MMS22L: variants seen among roughly 807,000 people sequenced by gnomAD.
MMS22L encodes MMS22 like, DNA repair protein.
Under a neutral mutation model 159.1 loss-of-function variants are expected in MMS22L, and 74 were observed. The observed-to-expected ratio is 0.47, with a 90% confidence interval of 0.39 to 0.56. The LOEUF (loss-of-function observed/expected upper bound fraction) is 0.56. MMS22L is among the 20% of genes least tolerant of loss of function. MMS22L has a pLI of 0.00. For synonymous variants in MMS22L, 517 were observed against 506.9 expected, an observed-to-expected ratio of 1.02 and a Z score of -0.27; for missense variants, 1,351 against 1,422.1, an observed-to-expected ratio of 0.95 and a Z score of 0.80.
intron 18 of MMS22L, among the ~76,000 whole-genome samples, chr6:97,174,249 CA>C (rs1161504029): frequency 7.5e-5 from 8 of 106,828 alleles, no homozygotes; most frequent in South Asian, 2.8e-4. Flanking sequence ...AAGACTGTCT[CA>C]AAAAAAAAAT....
chr6:97,154,662 G>A (rs557847107), intron 22 of MMS22L, among the ~76,000 whole-genome samples: 3 of 152,128 alleles, frequency 2.0e-5, no homozygotes, highest in Non-Finnish European at 2.9e-5. Flanking sequence ...TCATTCTTTC[G>A]CATGTGGCTA....
At chr6:97,158,362 T>C (rs890202248) in intron 22 of MMS22L, among the ~76,000 whole-genome samples, 16 of 152,204 alleles carry the variant, frequency 1.1e-4, no homozygotes, top group African/African-American at 3.9e-4. Context: ...AGCTTTTGAA[T>C]TTGTTTGCTC....
intron 21 of MMS22L, among the ~76,000 whole-genome samples, chr6:97,162,956 T>C (rs1480713693): frequency 2.0e-5 from 3 of 151,890 alleles, no homozygotes; most frequent in Non-Finnish European, 4.4e-5. Flanking sequence ...CATCCATATA[T>C]ATATATATTT....
At chr6:97,147,877 T>TA (rs1800987753) in intron 24 of MMS22L, among the ~76,000 whole-genome samples, 1 of 152,212 alleles carries the variant, frequency 6.6e-6, no homozygotes, top group Admixed American at 6.5e-5. Flanking sequence ...GCTAAAGCTA[T>TA]AATCAACATA....
At chr6:97,247,728 A>C (rs529869873) in intron 10 of MMS22L, among the ~76,000 whole-genome samples, 4 of 152,154 alleles carry the variant, frequency 2.6e-5, no homozygotes, top group Non-Finnish European at 5.9e-5. Flanking sequence ...AGAAAAAAAA[A>C]AGAAAAGTAA....
At chr6:97,208,733 T>C (rs1014252603) in intron 14 of MMS22L, among the ~76,000 whole-genome samples, 18 of 152,018 alleles carry the variant, frequency 1.2e-4, no homozygotes, top group Admixed American at 4.6e-4. Flanking sequence ...TATAAAGAAC[T>C]GCTCTCATCA....
At chr6:97,267,410 CATA>C (rs981277331) in intron 8 of MMS22L, 2 of 151,878 alleles carry the variant, frequency 1.3e-5, no homozygotes, top group Non-Finnish European at 1.5e-5. Flanking sequence ...AATAAAAACA[CATA>C]ATTTTACCCA....
At chr6:97,150,483 A>G (rs1254169738) in intron 23 of MMS22L, among the ~76,000 whole-genome samples, 1 of 152,180 alleles carries the variant, frequency 6.6e-6, no homozygotes, top group Non-Finnish European at 1.5e-5. Flanking sequence ...CCTTAACTGA[A>G]TAAAAGACTT....
At chr6:97,207,947 G>C (rs1807959742) in intron 14 of MMS22L, among the ~76,000 whole-genome samples, 1 of 152,116 alleles carries the variant, frequency 6.6e-6, no homozygotes, top group African/African-American at 2.4e-5. Context: ...GCACCAATGA[G>C]AGAAATCTTG....
chr6:97,157,788 G>A (rs2128238684), intron 22 of MMS22L, among the ~76,000 whole-genome samples: 1 of 152,080 alleles, frequency 6.6e-6, no homozygotes, highest in Middle Eastern at 3.4e-3. Context: ...TTTTTTTGTT[G>A]TTGTGTCTCT....
chr6:97,212,418 G>T (rs1808484297), intron 14 of MMS22L, among the ~76,000 whole-genome samples: 1 of 152,146 alleles, frequency 6.6e-6, no homozygotes, highest in African/African-American at 2.4e-5. Context: ...TCATTGTACT[G>T]ATTCAGAATG....
At chr6:97,155,908 C>T (rs1801785397) in intron 22 of MMS22L, among the ~76,000 whole-genome samples, 1 of 152,192 alleles carries the variant, frequency 6.6e-6, no homozygotes, top group African/African-American at 2.4e-5. Context: ...GGAATTGCCA[C>T]ACTGTCTTCC....
intron 14 of MMS22L, among the ~76,000 whole-genome samples, chr6:97,195,867 A>C (rs1189200627): frequency 6.6e-6 from 1 of 152,210 alleles, no homozygotes; most frequent in East Asian, 1.9e-4. Context: ...ATTTTCAGTT[A>C]CTTTATGAAG....
chr6:97,204,514 G>T (rs1807535994), intron 14 of MMS22L, among the ~76,000 whole-genome samples: 1 of 152,130 alleles, frequency 6.6e-6, no homozygotes, highest in South Asian at 2.1e-4. Context: ...AACTAGGGCT[G>T]GCCACAGTGG....
In MMS22L at chr6:97,210,235, G is replaced by A. The variant is rs963316075; in HGVS notation, c.2039+18659C>T. Among the ~76,000 whole-genome samples, 8 of 151,926 alleles carry A rather than the reference G, an allele frequency of 5.3e-5. No individual in the cohort carries two copies. The East Asian group carries it at 1.5e-3, about 29-fold the overall frequency. On this transcript the variant is annotated intron_variant, in intron 14 of 24. Coordinates refer to ENST00000683635, the MANE Select transcript of MMS22L (RefSeq NM_001350599.2). ...TGCTCCTAAAATAAATGTAGATACT[G>A]TATTAATGAATAACCAAGGAGATAT...
chr6:97,208,828 T>C (rs540506610), intron 14 of MMS22L, among the ~76,000 whole-genome samples: 1 of 152,180 alleles, frequency 6.6e-6, no homozygotes, highest in Non-Finnish European at 1.5e-5. Context: ...TCCTTCATAA[T>C]CTGGTATAAC....
intron 20 of MMS22L, among the ~76,000 whole-genome samples, chr6:97,167,042 C>T (rs1803026545): frequency 6.6e-6 from 1 of 152,092 alleles, no homozygotes. Flanking sequence ...CCCTTTCCTC[C>T]TCAGCTTCCC....
chr6:97,269,291 G>A (rs1301142996), intron 7 of MMS22L, among the ~76,000 whole-genome samples: 2 of 151,940 alleles, frequency 1.3e-5, no homozygotes, highest in Non-Finnish European at 2.9e-5. Flanking sequence ...ATGAAGTAAA[G>A]GCACACTACA....
At chr6:97,224,733 ATT>A (rs989536435) in intron 14 of MMS22L, among the ~76,000 whole-genome samples, 3 of 145,128 alleles carry the variant, frequency 2.1e-5, no homozygotes, top group Admixed American at 6.9e-5. Context: ...TTCATCTCTA[ATT>A]TTTTTTTTTT....
Sources: gnomAD v4.1 joint callset for allele counts (sites outside exome capture counted in the v4.1 genomes callset) on GRCh38, gnomAD v4.1.1 for gene constraint, MANE v1.5 for transcripts, NCBI Gene and HGNC (gene_info 2026-07-23, HGNC 2026-07-21) for gene names.